RABGAP1L: variants seen among roughly 807,000 people sequenced by gnomAD.
RABGAP1L encodes the protein RAB GTPase activating protein 1 like, also known as rab GTPase-activating protein 1-like.
RABGAP1L carries 63 observed loss-of-function variants against 137.7 expected under a neutral mutation model. The ratio of observed to expected loss-of-function variants is 0.46; its 90% CI spans 0.37 to 0.56. The LOEUF is 0.56. Ranked by LOEUF, RABGAP1L falls within the 20% of genes least tolerant of loss-of-function variation. The probability of loss-of-function intolerance (pLI) is 0.00; values close to 1 mark genes in which losing one functional copy is unlikely to be tolerated. For synonymous variants in RABGAP1L, 431 were observed against 433.7 expected (o/e 0.99, Z 0.08); for missense variants, 1,095 against 1,244.0 (o/e 0.88, Z 1.80).
intron 18 of RABGAP1L, among the ~76,000 whole-genome samples, chr1:174,763,751 T>C (rs1043749368): frequency 1.6e-5 from 2 of 127,374 alleles, no homozygotes; most frequent in African/African-American, 3.0e-5. Flanking sequence ...GGCAAGAGAA[T>C]GGCGTGAACC....
chr1:174,229,408 A>G (rs186744021), intron 3 of RABGAP1L, among the ~76,000 whole-genome samples: 40 of 152,290 alleles, frequency 2.6e-4, no homozygotes, highest in Non-Finnish European at 5.6e-4. Flanking sequence ...TTGTTAACCA[A>G]AAAGTGGCAG....
intron 13 of RABGAP1L, among the ~76,000 whole-genome samples, chr1:174,553,553 A>C (rs934729773): frequency 6.6e-6 from 1 of 152,224 alleles, no homozygotes; most frequent in Non-Finnish European, 1.5e-5. Flanking sequence ...AGAGAAGAGG[A>C]GGGAACACTT....
chr1:174,182,549 T>C (rs1460805178), intron 1 of RABGAP1L, among the ~76,000 whole-genome samples: 1 of 152,200 alleles, frequency 6.6e-6, no homozygotes, highest in East Asian at 1.9e-4. Flanking sequence ...AAAGATGAAG[T>C]GAAAAGGCAA....
intron 14 of RABGAP1L, among the ~76,000 whole-genome samples, chr1:174,676,481 C>T (rs147926099): frequency 1.0e-3 from 153 of 152,232 alleles, no homozygotes; most frequent in Middle Eastern, 6.8e-3. Flanking sequence ...AAAGCAAAAA[C>T]AAAGCAAACT....
At chr1:174,829,891 T>C (rs1376237971) in intron 19 of RABGAP1L, among the ~76,000 whole-genome samples, 2 of 148,554 alleles carry the variant, frequency 1.3e-5, no homozygotes, top group African/African-American at 4.9e-5. Context: ...TATATCTGCA[T>C]ATTTATGGTT....
chr1:174,280,584 T>C (rs1178572539), intron 10 of RABGAP1L, among the ~76,000 whole-genome samples: 2 of 152,176 alleles, frequency 1.3e-5, no homozygotes, highest in African/African-American at 4.8e-5. Context: ...TAGCAGAACT[T>C]TATGTGTGGG....
intron 4 of RABGAP1L, among the ~76,000 whole-genome samples, chr1:174,231,997 A>C (rs1242170248): frequency 1.3e-5 from 2 of 152,322 alleles, no homozygotes; most frequent in East Asian, 3.9e-4. Context: ...TATAAATAGA[A>C]ATAAAACGGT....
chr1:174,247,980 C>G (rs1461036353), intron 5 of RABGAP1L, among the ~76,000 whole-genome samples: 1 of 150,900 alleles, frequency 6.6e-6, no homozygotes, highest in East Asian at 2.0e-4. Context: ...GTATAAAAAT[C>G]AGACAGTAGA....
At chr1:174,505,878 G>A (rs912778803) in intron 13 of RABGAP1L, among the ~76,000 whole-genome samples, 12 of 152,124 alleles carry the variant, frequency 7.9e-5, no homozygotes, top group African/African-American at 2.9e-4. Context: ...AATCACAATA[G>A]CCAGGATATG....
At chr1:174,877,417 T>C (rs750642125) in intron 19 of RABGAP1L, 3 of 1,586,388 alleles carry the variant, frequency 1.9e-6, no homozygotes. Context: ...GGCACTGAGC[T>C]GCAGTAGGAT....
intron 17 of RABGAP1L, among the ~76,000 whole-genome samples, chr1:174,737,522 C>T (rs1165332456): frequency 1.3e-5 from 2 of 152,108 alleles, no homozygotes; most frequent in African/African-American, 4.8e-5. Flanking sequence ...CAAACTTTCC[C>T]ACATCTTCCT....
chr1:174,255,551 G>A (rs766648491), intron 7 of RABGAP1L, among the ~76,000 whole-genome samples: 70 of 152,236 alleles, frequency 4.6e-4, no homozygotes, highest in Non-Finnish European at 4.3e-4. Context: ...TTGAGACAAA[G>A]TCTCGCTCTG....
intron 13 of RABGAP1L, among the ~76,000 whole-genome samples, chr1:174,630,786 T>C (rs1297515343): frequency 9.7e-5 from 14 of 144,884 alleles, no homozygotes; most frequent in Admixed American, 4.1e-4. Flanking sequence ...TCTCTCTTTT[T>C]TTCTTTATTA....
chr1:174,896,990 G>C (rs1657312057), intron 19 of RABGAP1L: 1 of 152,164 alleles, frequency 6.6e-6, no homozygotes, highest in South Asian at 2.1e-4. Flanking sequence ...GTCATTGGTA[G>C]CTTGATGGGG....
intron 19 of RABGAP1L, among the ~76,000 whole-genome samples, chr1:174,903,866 C>T (rs538382290): frequency 4.0e-5 from 6 of 151,470 alleles, no homozygotes; most frequent in African/African-American, 9.7e-5. Flanking sequence ...AGGAGAATCG[C>T]TTGAAGCCGT....
intron 11 of RABGAP1L, among the ~76,000 whole-genome samples, chr1:174,343,438 A>G (rs1237098732): frequency 6.6e-6 from 1 of 152,170 alleles, no homozygotes; most frequent in Admixed American, 6.5e-5. Context: ...TAAATTTGCC[A>G]ACAGTAGATA....
intron 13 of RABGAP1L, among the ~76,000 whole-genome samples, chr1:174,418,682 G>C (rs943654023): frequency 1.3e-5 from 2 of 152,148 alleles, no homozygotes; most frequent in African/African-American, 4.8e-5. Context: ...TTAGTCTCAT[G>C]AAAATATGGC....
chr1:174,623,171 G>A (rs1434452314), intron 13 of RABGAP1L, among the ~76,000 whole-genome samples: 1 of 152,110 alleles, frequency 6.6e-6, no homozygotes, highest in Non-Finnish European at 1.5e-5. Flanking sequence ...CAGTCTTGAG[G>A]AACTATTTTA....
chr1:174,425,962 TAA>T (rs1491180775), intron 13 of RABGAP1L, among the ~76,000 whole-genome samples: 1 of 152,214 alleles, frequency 6.6e-6, no homozygotes, highest in South Asian at 2.1e-4. Context: ...TATTTATAAA[TAA>T]GTTTCTTCTA....
Sources: allele counts gnomAD v4.1 joint callset (sites outside exome capture counted in the v4.1 genomes callset), GRCh38; gene constraint gnomAD v4.1.1; transcripts MANE v1.5; gene names NCBI Gene and HGNC (gene_info 2026-07-23, HGNC 2026-07-21).